SLC37A3: variants seen among roughly 807,000 people sequenced by gnomAD.
SLC37A3 encodes sugar phosphate exchanger 3.
A neutral mutation model predicts 67.1 loss-of-function variants in SLC37A3; 51 were observed. That is an observed-to-expected ratio of 0.76 (90% confidence interval 0.61 to 0.96). SLC37A3 has a LOEUF of 0.96. Among genes scored for constraint, SLC37A3 ranks in the 40% least tolerant of loss-of-function variants. SLC37A3 has a pLI of 0.00. For missense variants in SLC37A3, 508 were observed against 603.0 expected, an observed-to-expected ratio of 0.84 and a Z score of 1.65; for synonymous variants, 214 against 231.4, an observed-to-expected ratio of 0.92 and a Z score of 0.68.
intron 1 of SLC37A3, among the ~76,000 whole-genome samples, chr7:140,390,112 A>C (rs532371191): frequency 6.6e-6 from 1 of 152,134 alleles, no homozygotes; most frequent in South Asian, 2.1e-4. Context: ...AAACAAAAAA[A>C]CCCAACTGTC....
At chr7:140,347,194 T>C (rs1227478318) in intron 10 of SLC37A3, among the ~76,000 whole-genome samples, 3 of 142,604 alleles carry the variant, frequency 2.1e-5, no homozygotes, top group African/African-American at 8.0e-5. Context: ...GTGGCTCCAG[T>C]GAGCCAAGAT....
Position 140,346,654 on chromosome 7 carries a change from C to A in SLC37A3, c.1025-684G>T, listed in dbSNP as rs112922323. Among the ~76,000 whole-genome samples the A allele has an allele frequency of 8.8e-3, 1,338 of 152,334 alleles. 19 individuals carry two copies. The highest frequency in any genetic ancestry group is 0.03 in the African/African-American group (1,267 of 41,572). ...GTGGCTCATGCCTATAATCCCAGCA[C>A]TTTGGGAGACCAAGGCTGGGGGACT... is the stretch of plus-strand genomic sequence containing the variant. On this transcript the variant is annotated intron_variant, in intron 10 of 14. Transcript: ENST00000326232.
At chr7:140,395,197 G>A (rs1798870246) in intron 1 of SLC37A3, among the ~76,000 whole-genome samples, 1 of 150,600 alleles carries the variant, frequency 6.6e-6, no homozygotes, top group Non-Finnish European at 1.5e-5. Context: ...CCAAAATGGT[G>A]AAACCCCGTC....
In SLC37A3 at chr7:140,346,374, T is replaced by C. The variant is rs528089518; in HGVS notation, c.1025-404A>G. Among the ~76,000 whole-genome samples the C allele has an allele frequency of 3.1e-3, 478 of 151,952 alleles. 6 individuals are homozygous for C. The highest frequency in any genetic ancestry group is 0.011 in the African/African-American group (445 of 41,466). On this transcript the variant is annotated intron_variant, in intron 10 of 14. Coordinates refer to ENST00000326232, the MANE Select transcript of SLC37A3 (RefSeq NM_207113.3). ...CAGCCTGGGTGACAGAGCGAGACTC[T>C]GTCTCAAAAAAAAATAGGTCTGACT... is the stretch of plus-strand genomic sequence containing the variant.
At chr7:140,382,687 A>C (rs1158558668) in intron 1 of SLC37A3, 91 bp from the exon 2 acceptor site, 1 of 567,048 alleles carries the variant, frequency 1.8e-6, no homozygotes, top group East Asian at 2.9e-5. Context: ...CCATATAATC[A>C]GGCCTTGTGG....
intron 1 of SLC37A3, among the ~76,000 whole-genome samples, chr7:140,393,134 G>A (rs1798786196): frequency 6.6e-6 from 1 of 151,842 alleles, no homozygotes; most frequent in Admixed American, 6.6e-5. Flanking sequence ...TGTGTCCTCA[G>A]TCCACCCTGA....
chr7:140,355,402 C>G (rs1342896375), intron 7 of SLC37A3, among the ~76,000 whole-genome samples: 3 of 152,008 alleles, frequency 2.0e-5, no homozygotes, highest in Admixed American at 6.6e-5. Flanking sequence ...TGAGTAGAGA[C>G]GAGGTTTCAC....
At chr7:140,388,425 C>G (rs947952138) in intron 1 of SLC37A3, among the ~76,000 whole-genome samples, 2 of 150,756 alleles carry the variant, frequency 1.3e-5, no homozygotes, top group African/African-American at 4.9e-5. Flanking sequence ...AGAGTGAGAC[C>G]CTGTACCAAA....
intron 10 of SLC37A3, among the ~76,000 whole-genome samples, chr7:140,346,335 G>A (rs1010518324): frequency 2.6e-5 from 4 of 152,030 alleles, no homozygotes; most frequent in Admixed American, 6.5e-5. Context: ...AGCCGAGATT[G>A]CGCCACTGCA....
In SLC37A3 at chr7:140,358,621, G is replaced by A. The variant is rs1797130716; in HGVS notation, c.521+19C>T. ...AAACCACTTAAACAGAGAAATTAGAGAGGAAGGAAGTGGCATACCCGGCTT... is the reference window on the plus strand; with the variant it reads ...AAACCACTTAAACAGAGAAATTAGAAAGGAAGGAAGTGGCATACCCGGCTT... On this transcript the variant is annotated intron_variant, in intron 6 of 14. Transcript: ENST00000326232. 1 of 1,613,266 alleles carries A rather than the reference G, an allele frequency of 6.2e-7. No individual in the cohort carries two copies. Among genetic ancestry groups the A allele is most frequent in the Non-Finnish European group, 8.5e-7 (1 of 1,179,466 alleles).
intron 1 of SLC37A3, among the ~76,000 whole-genome samples, chr7:140,396,122 C>T (rs184326074): frequency 8.2e-4 from 125 of 151,892 alleles, no homozygotes; most frequent in African/African-American, 2.5e-3. Flanking sequence ...TAGGTTTAAG[C>T]GATCCTCCTG....
intron 1 of SLC37A3, among the ~76,000 whole-genome samples, chr7:140,391,111 G>A (rs545417027): frequency 1.3e-5 from 2 of 152,130 alleles, no homozygotes; most frequent in Non-Finnish European, 2.9e-5. Context: ...CTGTGACAGC[G>A]ATTTCACACT....
At chr7:140,343,767 CTAGTA>C in intron 12 of SLC37A3, 1 of 546,980 alleles carries the variant, frequency 1.8e-6, no homozygotes, top group Non-Finnish European at 3.2e-6. Flanking sequence ...ATGTGACACT[CTAGTA>C]TATTTTGTAG....
At chr7:140,385,851 C>T (rs6962376) in intron 1 of SLC37A3, among the ~76,000 whole-genome samples, 15,906 of 152,170 alleles carry the variant, frequency 0.1, 901 homozygotes, top group South Asian at 0.2. Context: ...GGCACGATCT[C>T]GGCCCACTGC....
chr7:140,373,632 T>G (rs893856137), intron 3 of SLC37A3, among the ~76,000 whole-genome samples: 1 of 152,046 alleles, frequency 6.6e-6, no homozygotes, highest in Non-Finnish European at 1.5e-5. Flanking sequence ...TTCAAACCTG[T>G]GAAAGGCCAA....
At position 140,347,149 on chromosome 7, in the gene SLC37A3, G is replaced by A. The variant is rs535725663; in HGVS notation, c.1025-1179C>T. Among the ~76,000 whole-genome samples the A allele has an allele frequency of 5.3e-5, 8 of 151,474 alleles. No homozygotes were observed. In the South Asian group the frequency reaches 1.0e-3, roughly 20 times the overall value. ...GTGGTGGTGCATGACTGTAGCCCCA[G>A]GTACTTAGGGAGGATCGCTTGAGCC... On this transcript the variant is annotated intron_variant, in intron 10 of 14. Transcript: ENST00000326232.
chr7:140,351,251 G>A (rs1407520273), intron 9 of SLC37A3, 22 bp downstream of exon 9: 2 of 1,603,044 alleles, frequency 1.2e-6, no homozygotes, highest in East Asian at 2.2e-5. Context: ...CCTGGCTGTG[G>A]TAAGATGTAA....
chr7:140,395,444 A>C (rs1049415198), intron 1 of SLC37A3, among the ~76,000 whole-genome samples: 75 of 150,514 alleles, frequency 5.0e-4, no homozygotes, highest in Admixed American at 1.9e-3. Context: ...GCGGTGGCTC[A>C]CACCTGTAAT....
chr7:140,372,143 C>T (rs1029802033), intron 3 of SLC37A3, among the ~76,000 whole-genome samples: 1 of 152,212 alleles, frequency 6.6e-6, no homozygotes, highest in Non-Finnish European at 1.5e-5. Context: ...AGCCACTGCG[C>T]CCAGCCTAGT....
Sources: allele counts gnomAD v4.1 joint callset (sites outside exome capture counted in the v4.1 genomes callset), GRCh38; gene constraint gnomAD v4.1.1; transcripts MANE v1.5; gene names NCBI Gene and HGNC (gene_info 2026-07-23, HGNC 2026-07-21).